Variants in CHERP observed in about 807,000 individuals in gnomAD.
CHERP encodes the protein calcium homeostasis endoplasmic reticulum protein, also known as ERPROT 213-21.
Under a neutral mutation model 113.8 loss-of-function variants are expected in CHERP, and 8 were observed. The ratio of observed to expected loss-of-function variants is 0.07; its 90% CI spans 0.04 to 0.13. CHERP has a LOEUF of 0.13. Among genes scored for constraint, CHERP ranks in the 10% least tolerant of loss-of-function variants. The pLI, the probability that CHERP is intolerant of heterozygous loss-of-function variation, is 1.00. For missense variants in CHERP, 884 were observed against 1,298.2 expected (o/e 0.68, Z 4.90); for synonymous variants, 559 against 524.5 (o/e 1.07, Z -0.90).
Position 16,532,573 on chromosome 19 carries a change from C to A in CHERP, c.674+25G>T. On this transcript the variant is annotated intron_variant, in intron 5 of 16. Coordinates refer to ENST00000546361, the MANE Select transcript of CHERP (RefSeq NM_006387.6). This position sits in a 1 kb window ranked among gnomAD's most constrained non-coding sequence, Gnocchi z 4.4. Reference sequence around the variant, plus strand: ...AGGAGGAGCGCGAGGAAGTGGCGCTCTGGGCACGGGGTGGCGGCGCTCACC... The same window carrying A: ...AGGAGGAGCGCGAGGAAGTGGCGCTATGGGCACGGGGTGGCGGCGCTCACC... 1 of 1,572,460 alleles carries A rather than the reference C, an allele frequency of 6.4e-7. No individual in the cohort carries two copies. The highest frequency in any genetic ancestry group is 1.1e-5 in the South Asian group (1 of 88,072).
In CHERP at chr19:16,532,898, C is replaced by T. The variant is rs947935822; in HGVS notation, c.522+113G>A. On this transcript the variant is annotated intron_variant, in intron 4 of 16. Coordinates refer to ENST00000546361, the MANE Select transcript of CHERP (RefSeq NM_006387.6). The surrounding 1 kb of genome is among the most constrained non-coding windows in gnomAD (Gnocchi z 4.4). ...GTCCCACAGCCTCAGGAGCTCCAGGCGGGAGGGAAGGGCACCCATTGTAAC... is the reference window on the plus strand; with the variant it reads ...GTCCCACAGCCTCAGGAGCTCCAGGTGGGAGGGAAGGGCACCCATTGTAAC... 1.3e-5 allele frequency: 19 copies of T among 1,509,888 alleles called. No homozygotes were observed. In the East Asian group the frequency reaches 2.2e-4, roughly 17 times the overall value. The allele number at this position is 1,509,888 out of a possible 1,614,324, so 93.5% of individuals were successfully genotyped here. A position where few individuals can be genotyped will look rare whatever the true frequency, so the allele number is the denominator to read the frequency against.
At chr19:16,539,281 G>A (rs1248744821) in intron 2 of CHERP, among the ~76,000 whole-genome samples, 7 of 151,542 alleles carry the variant, frequency 4.6e-5, no homozygotes, top group Non-Finnish European at 1.0e-4. Flanking sequence ...CCAAGTAGCT[G>A]GGACTACAGG....
chr19:16,540,391 T>C (rs1425437652), intron 2 of CHERP, among the ~76,000 whole-genome samples: 1 of 143,288 alleles, frequency 7.0e-6, no homozygotes, highest in Non-Finnish European at 1.5e-5. Context: ...TTTTTTTTTT[T>C]AGATGGAGTC....
At chr19:16,521,078 C>A in intron 12 of CHERP, 166 bp from the exon 13 acceptor site, 1 of 651,394 alleles carries the variant, frequency 1.5e-6, no homozygotes, top group South Asian at 1.8e-5. Context: ...TCCCACAGGG[C>A]TGTCCTCCTG....
Position 16,519,679 on chromosome 19 carries a change from G to A in CHERP, c.2499C>T (p.Pro833=). The change falls in exon 16 of 17, where the codon CCC becomes CCT. Residue 833 remains proline (P), a synonymous_variant. Transcript: ENST00000546361. This position sits in a 1 kb window ranked among gnomAD's most constrained non-coding sequence, Gnocchi z 6.0. ...CTTCTCCGAGCCTTGAGTCAGGGAT[G>A]GGAGGCGCCGAATTAGAACCCAGAC... is the stretch of plus-strand genomic sequence containing the variant. ...SAGLGSNSAP[P]IPDSRLGEEN... is the part of the protein sequence containing the mutation. 6.2e-7 allele frequency: 1 copy of A among 1,613,984 alleles called. No homozygotes were observed. Among genetic ancestry groups the A allele is most frequent in the Non-Finnish European group, 8.5e-7 (1 of 1,179,916 alleles).
At chr19:16,521,395 GC>G in intron 12 of CHERP, 125 bp downstream of exon 12, 1 of 810,384 alleles carries the variant, frequency 1.2e-6, no homozygotes, top group Non-Finnish European at 1.9e-6. Context: ...TGTCACTCAG[GC>G]GGGGGGAGGG....
Position 16,519,785 on chromosome 19 carries a change from C to T in CHERP, c.2463-70G>A, listed in dbSNP as rs1174176558. 3.0e-6 allele frequency: 4 copies of T among 1,331,748 alleles called. No individual in the cohort carries two copies. The highest frequency in any genetic ancestry group is 4.6e-5 in the East Asian group (2 of 43,450). The allele number at this position is 1,331,748 out of a possible 1,614,324, so 82.5% of individuals were successfully genotyped here. A position where few individuals can be genotyped will look rare whatever the true frequency, so the allele number is the denominator to read the frequency against. On this transcript the variant is annotated intron_variant, in intron 15 of 16. Coordinates refer to ENST00000546361, the MANE Select transcript of CHERP (RefSeq NM_006387.6). This position sits in a 1 kb window ranked among gnomAD's most constrained non-coding sequence, Gnocchi z 6.0. Reference sequence around the variant, plus strand: ...TTTATTGGAATGACAGTGATGAGGACCTCACAGCCGCAGCTTGCGTGCATG... The same window carrying T: ...TTTATTGGAATGACAGTGATGAGGATCTCACAGCCGCAGCTTGCGTGCATG...
At chr19:16,527,515 G>A (rs1254114512) in intron 9 of CHERP, among the ~76,000 whole-genome samples, 1 of 152,210 alleles carries the variant, frequency 6.6e-6, no homozygotes, top group Non-Finnish European at 1.5e-5. Context: ...GTCACGCCCT[G>A]GAAGACCCGG....
chr19:16,541,229 T>C (rs1016244423), intron 2 of CHERP: 2 of 152,158 alleles, frequency 1.3e-5, no homozygotes, highest in Non-Finnish European at 1.5e-5. Flanking sequence ...TAGTTATTCA[T>C]TTAAACAATC....
chr19:16,533,199 C>G (rs1448038608), intron 3 of CHERP, 51 bp from the exon 4 acceptor site: 1 of 1,539,398 alleles, frequency 6.5e-7, no homozygotes, highest in Non-Finnish European at 8.7e-7. Flanking sequence ...GGACCCGCAG[C>G]CTGAGCCCTC....
intron 3 of CHERP, among the ~76,000 whole-genome samples, chr19:16,534,057 C>CTTT (rs1242148515): frequency 1.3e-5 from 1 of 77,364 alleles, no homozygotes; most frequent in Non-Finnish European, 2.7e-5. Flanking sequence ...CTTTTCTTTT[C>CTTT]TTTTTTTTTT....
chr19:16,542,170 T>C, intron 1 of CHERP, 127 bp from the exon 2 acceptor site: 1 of 1,187,554 alleles, frequency 8.4e-7, no homozygotes, highest in South Asian at 1.6e-5. Context: ...GAGGCCGCCC[T>C]TGTACGGGTC....
At chr19:16,536,131 C>G (rs1026285032) in intron 2 of CHERP, among the ~76,000 whole-genome samples, 1 of 152,210 alleles carries the variant, frequency 6.6e-6, no homozygotes, top group African/African-American at 2.4e-5. Flanking sequence ...GAAGCCGCAC[C>G]CCCGAGCGCA....
rs1461214502 is a variant in CHERP at position 16,529,845 on chromosome 19, T to C, written c.932A>G (p.Gln311Arg). The part of the protein sequence containing the change: ...SVVQPVQLAF[Q>R]QQIQTLKTQH... ...CGTCTTGAGGGTCTGGATCTGCTGC[T>C]GGAAGGCCAGCTGCACCGGCTGGAC... Residue 311 changes from glutamine to arginine, a missense_variant, in exon 8 of 17, where the codon CAG becomes CGG. Around this residue, in one of 8 missense-constraint regions of CHERP, gnomAD observed 464 missense variants for 590.1 expected, o/e 0.79. Coordinates refer to ENST00000546361, the MANE Select transcript of CHERP (RefSeq NM_006387.6). 7 of 1,613,748 alleles carry C rather than the reference T, an allele frequency of 4.3e-6. No individual in the cohort carries two copies. In the African/African-American group the frequency reaches 5.3e-5, roughly 12 times the overall value.
chr19:16,518,990 C>T lies in CHERP; in HGVS notation c.*169G>A, dbSNP rs1325667337. Reference sequence around the variant, plus strand: ...CACCCGTGCCCTCCACGCCATGGAGCACGGCGTTCCCACTGGGCATGCGCT... The same window carrying T: ...CACCCGTGCCCTCCACGCCATGGAGTACGGCGTTCCCACTGGGCATGCGCT... On this transcript the variant is annotated 3_prime_UTR_variant, in exon 17 of 17. Transcript: ENST00000546361. 10 of 668,970 alleles carry T rather than the reference C, an allele frequency of 1.5e-5. No homozygotes were observed. In the East Asian group the frequency reaches 2.8e-4, roughly 19 times the overall value. 41.4% of individuals were successfully genotyped at this position (668,970 alleles called of 1,614,324 possible).
At chr19:16,527,844 A>C (rs1003277186) in intron 9 of CHERP, among the ~76,000 whole-genome samples, 1 of 152,208 alleles carries the variant, frequency 6.6e-6, no homozygotes, top group African/African-American at 2.4e-5. Flanking sequence ...GGTGATCTAT[A>C]CTACAGAGAA....
chr19:16,535,532 C>T lies in CHERP; in HGVS notation c.304G>A (p.Ala102Thr), dbSNP rs199553205. Residue 102 changes from alanine (A) to threonine (T), a missense_variant, in exon 3 of 17, where the codon GCG (alanine) becomes ACG (threonine). Ala to Thr is a moderately conservative substitution (Grantham distance 58). Coordinates refer to ENST00000546361, the MANE Select transcript of CHERP (RefSeq NM_006387.6). The surrounding 1 kb of genome is among the most constrained non-coding windows in gnomAD (Gnocchi z 4.3). ...TGGATGAGCTCGTCCATGGATGGCGCGCCCTGGGCCGGCGGGATGGGCGCG... is the reference window on the plus strand; with the variant it reads ...TGGATGAGCTCGTCCATGGATGGCGTGCCCTGGGCCGGCGGGATGGGCGCG... ...PAAPIPPAQG[A>T]PSMDELIQQS... The T allele has an allele frequency of 2.8e-5, 45 of 1,600,352 alleles. 1 individual carries two copies. Among genetic ancestry groups the T allele is most frequent in the East Asian group, 4.5e-5 (2 of 44,140 alleles).
Position 16,528,147 on chromosome 19 carries a change from T to C in CHERP, c.1238A>G (p.Gln413Arg), listed in dbSNP as rs1270536415. 1 of 1,613,754 alleles carries C rather than the reference T, an allele frequency of 6.2e-7. No individual in the cohort carries two copies. Among genetic ancestry groups the C allele is most frequent in the South Asian group, 1.1e-5 (1 of 91,076 alleles). ...CCAAGGGGGCTTGTTTGGTGGGATCTGGTCGTGTGGCCCGGGGCCCCGGGG... is the reference window on the plus strand; with the variant it reads ...CCAAGGGGGCTTGTTTGGTGGGATCCGGTCGTGTGGCCCGGGGCCCCGGGG... ...AGPRGPGPHD[Q>R]IPPNKPPWFD... Residue 413 changes from glutamine to arginine, a missense_variant, in exon 9 of 17, where the codon CAG becomes CGG. By Grantham distance (43) the Gln-to-Arg change is conservative. Coordinates refer to ENST00000546361, the MANE Select transcript of CHERP (RefSeq NM_006387.6).
Position 16,525,128 on chromosome 19 carries a change from T to A in CHERP, c.1741+114A>T. On this transcript the variant is annotated intron_variant, in intron 10 of 16. Coordinates refer to ENST00000546361, the MANE Select transcript of CHERP (RefSeq NM_006387.6). This position sits in a 1 kb window ranked among gnomAD's most constrained non-coding sequence, Gnocchi z 6.5. The stretch of plus-strand genomic sequence containing the variant: ...TCCTCGGACGTCCCATGACCCTGTG[T>A]CTGTCACTGTGCACTCAGGAGCATG... The A allele has an allele frequency of 9.6e-7, 1 of 1,040,176 alleles. No homozygotes were observed. Among genetic ancestry groups the A allele is most frequent in the Middle Eastern group, 3.2e-4 (1 of 3,082 alleles). 64.4% of individuals were successfully genotyped at this position (1,040,176 alleles called of 1,614,324 possible). A position where few individuals can be genotyped will look rare whatever the true frequency, so the allele number is the denominator to read the frequency against.
Sources: allele counts gnomAD v4.1 joint callset (sites outside exome capture counted in the v4.1 genomes callset), GRCh38; gene constraint gnomAD v4.1.1; regional missense constraint gnomAD v4.1.1; non-coding constraint Gnocchi (gnomAD v3.1); transcripts MANE v1.5; gene names NCBI Gene and HGNC (gene_info 2026-07-23, HGNC 2026-07-21).